Variants in DDX52 observed in about 807,000 individuals in gnomAD.
DDX52 encodes the protein DExD-box helicase 52, also known as probable ATP-dependent RNA helicase DDX52.
In DDX52, 59 loss-of-function variants were observed where a neutral mutation model predicts 76.1. The observed-to-expected ratio is 0.78, with a 90% CI of 0.63 to 0.96. DDX52 has a LOEUF of 0.96. Among genes scored for constraint, DDX52 ranks in the 40% least tolerant of loss-of-function variants. The probability of loss-of-function intolerance (pLI) is 0.00; values close to 1 mark genes in which losing one functional copy is unlikely to be tolerated. For missense variants in DDX52, 707 were observed against 703.9 expected, an observed-to-expected ratio of 1.00 and a Z score of -0.05; for synonymous variants, 231 against 244.1, an observed-to-expected ratio of 0.95 and a Z score of 0.50.
intron 7 of DDX52, 66 bp downstream of exon 7, chr17:37,626,722 T>A (rs562788303): frequency 6.6e-7 from 1 of 1,507,470 alleles, no homozygotes; most frequent in African/African-American, 1.4e-5. Context: ...ATACAAGCAA[T>A]AGAGGACAAA....
intron 5 of DDX52, among the ~76,000 whole-genome samples, chr17:37,628,881 G>T (rs1280373976): frequency 6.6e-6 from 1 of 152,078 alleles, no homozygotes; most frequent in Non-Finnish European, 1.5e-5. Context: ...GAATAAACTA[G>T]TTCCCAGAGA....
chr17:37,639,393 T>C (rs1266842303), intron 2 of DDX52: 2 of 988,924 alleles, frequency 2.0e-6, no homozygotes, highest in Non-Finnish European at 2.4e-6. Flanking sequence ...TGGTACTAAA[T>C]GACCCAAATC....
At chr17:37,641,376 T>G (rs1353732522) in intron 2 of DDX52, among the ~76,000 whole-genome samples, 3 of 148,902 alleles carry the variant, frequency 2.0e-5, no homozygotes, top group African/African-American at 7.5e-5. Flanking sequence ...CACCACAGAC[T>G]GGGCAACAAA....
chr17:37,629,254 CACACACACACACACACACACACAT>C (rs1382143166), intron 5 of DDX52, among the ~76,000 whole-genome samples: 1 of 149,666 alleles, frequency 6.7e-6, no homozygotes, highest in African/African-American at 2.5e-5. Context: ...CACACACACA[CACACACACACACACACACACACAT>C]AGTACTATTA....
At chr17:37,627,247 G>A (rs1229078320) in intron 6 of DDX52, among the ~76,000 whole-genome samples, 1 of 152,104 alleles carries the variant, frequency 6.6e-6, no homozygotes, top group African/African-American at 2.4e-5. Flanking sequence ...CTGTCGCCCA[G>A]GCTGGAGTGC....
intron 6 of DDX52, among the ~76,000 whole-genome samples, chr17:37,627,326 T>C (rs2030433014): frequency 6.6e-6 from 1 of 152,202 alleles, no homozygotes; most frequent in Non-Finnish European, 1.5e-5. Flanking sequence ...CCCGAGTAGC[T>C]GGGACTACCA....
intron 11 of DDX52, 37 bp downstream of exon 11, chr17:37,621,090 T>C (rs758581649): frequency 5.0e-6 from 8 of 1,587,284 alleles, no homozygotes; most frequent in South Asian, 4.6e-5. Context: ...GACAGATCAG[T>C]GGGTGACAGA....
chr17:37,624,285 A>G lies in DDX52; in HGVS notation c.1227+59T>C. 4 of 1,316,096 alleles carry G rather than the reference A, an allele frequency of 3.0e-6. No homozygotes were observed. In the Admixed American group the frequency reaches 7.4e-5, roughly 24 times the overall value. The allele number at this position is 1,316,096 out of a possible 1,614,324, so 81.5% of individuals were successfully genotyped here. On this transcript the variant is annotated intron_variant, in intron 9 of 14. Transcript: ENST00000617633. Reference sequence around the variant, plus strand: ...AGTGCTACCACTGTAATAGCCTCCCACTAGTAATATAAGACTTGGCAAACT... The same window carrying G: ...AGTGCTACCACTGTAATAGCCTCCCGCTAGTAATATAAGACTTGGCAAACT...
At chr17:37,627,367 G>A (rs1044058166) in intron 6 of DDX52, among the ~76,000 whole-genome samples, 7 of 151,960 alleles carry the variant, frequency 4.6e-5, no homozygotes, top group African/African-American at 9.7e-5. Context: ...CCGCCACCAC[G>A]CCCAGCTAAT....
chr17:37,626,766 G>T (rs752558981), intron 7 of DDX52, 22 bp downstream of exon 7: 2 of 1,592,346 alleles, frequency 1.3e-6, no homozygotes, highest in Admixed American at 1.8e-5. Flanking sequence ...ACACACGAAA[G>T]ACATGAAAAT....
At chr17:37,624,711 T>C (rs1376890306) in intron 8 of DDX52, among the ~76,000 whole-genome samples, 1 of 152,154 alleles carries the variant, frequency 6.6e-6, no homozygotes. Flanking sequence ...AAAAAATTTC[T>C]AACTGTAAAA....
Position 37,628,675 on chromosome 17 carries a change from A to G in DDX52, c.748-3T>C, listed in dbSNP as rs766147427. The G allele has an allele frequency of 4.8e-5, 28 of 584,714 alleles. No individual in the cohort carries two copies. Among genetic ancestry groups the G allele is most frequent in the Non-Finnish European group, 5.2e-5 (22 of 419,434 alleles). The allele number at this position is 584,714 out of a possible 1,614,324, so 36.2% of individuals were successfully genotyped here. A position where few individuals can be genotyped will look rare whatever the true frequency, so the allele number is the denominator to read the frequency against. ...ATTTTTATTAACTCTCTGTGAATCT[A>G]AAAAAAAAAAGATTAAAAACATTAG... On this transcript the variant is annotated splice_polypyrimidine_tract_variant and splice_region_variant and intron_variant, in intron 5 of 14. Transcript: ENST00000617633.
At chr17:37,643,174 C>T in intron 1 of DDX52, 160 bp downstream of exon 1, 1 of 652,718 alleles carries the variant, frequency 1.5e-6, no homozygotes, top group Non-Finnish European at 2.6e-6. Context: ...ACCGAGCAGC[C>T]GTGCAGGCAA....
chr17:37,643,250 C>T, intron 1 of DDX52, 84 bp downstream of exon 1: 3 of 1,440,946 alleles, frequency 2.1e-6, no homozygotes, highest in Non-Finnish European at 2.8e-6. Context: ...TGTCCAAGTG[C>T]GCCGGCCTCC....
chr17:37,629,306 T>C (rs1167379830), intron 5 of DDX52, among the ~76,000 whole-genome samples: 2 of 150,288 alleles, frequency 1.3e-5, no homozygotes, highest in African/African-American at 2.5e-5. Context: ...ATTTCATACT[T>C]GATATGTGTT....
At chr17:37,628,434 T>A in intron 6 of DDX52, 127 bp downstream of exon 6, 2 of 734,638 alleles carry the variant, frequency 2.7e-6, no homozygotes, top group South Asian at 3.5e-5. Context: ...ATCGCTTTAG[T>A]TCTTCTAAAA....
chr17:37,626,664 T>C, intron 7 of DDX52, 124 bp downstream of exon 7: 3 of 893,898 alleles, frequency 3.4e-6, no homozygotes, highest in East Asian at 2.5e-5. Flanking sequence ...TTATTCTCAG[T>C]GCCAACACTG....
At chr17:37,642,468 G>A (rs2031250765) in intron 1 of DDX52, among the ~76,000 whole-genome samples, 160 bp from the exon 2 acceptor site, 1 of 152,124 alleles carries the variant, frequency 6.6e-6, no homozygotes, top group Non-Finnish European at 1.5e-5. Flanking sequence ...GACCTTCTCT[G>A]ACCTCATAAT....
At chr17:37,616,953 C>T (rs949258745) in intron 14 of DDX52, among the ~76,000 whole-genome samples, 1 of 152,184 alleles carries the variant, frequency 6.6e-6, no homozygotes, top group African/African-American at 2.4e-5. Context: ...GTTCCCTTCT[C>T]CATGCCTAAA....
Sources: allele counts gnomAD v4.1 joint callset (sites outside exome capture counted in the v4.1 genomes callset), GRCh38; gene constraint gnomAD v4.1.1; transcripts MANE v1.5; gene names NCBI Gene and HGNC (gene_info 2026-07-23, HGNC 2026-07-21).